Variants in SAMD4A observed in about 807,000 individuals in gnomAD.
SAMD4A encodes sterile alpha motif domain containing 4A.
Under a neutral mutation model 81.3 loss-of-function variants are expected in SAMD4A, and 33 were observed. That is an observed-to-expected ratio of 0.41 (90% CI 0.31 to 0.54). The LOEUF (loss-of-function observed/expected upper bound fraction) is 0.54, where lower values mean the gene tolerates loss of function less well. Ranked by LOEUF, SAMD4A falls within the 20% of genes least tolerant of loss-of-function variation. The probability of loss-of-function intolerance (pLI) is 0.37; values close to 1 mark genes in which losing one functional copy is unlikely to be tolerated. For synonymous variants in SAMD4A, 389 were observed against 382.1 expected, an observed-to-expected ratio of 1.02 and a Z score of -0.21; for missense variants, 854 against 951.1, an observed-to-expected ratio of 0.90 and a Z score of 1.34.
chr14:54,591,816 A>G (rs1368879472), intron 2 of SAMD4A, among the ~76,000 whole-genome samples: 2 of 152,170 alleles, frequency 1.3e-5, no homozygotes, highest in African/African-American at 2.4e-5. Context: ...TTAAAATTAT[A>G]TGCAGATTAG....
Position 54,639,801 on chromosome 14 carries a change from A to AACACACACACACACAC in SAMD4A, c.197-62250_197-62235dup, listed in dbSNP as rs10677522. ...TGAATGTCAAGTCAGCATTGCTTGA[A>AACACACACACACACAC]ACACACACACACACACACACACACA... On this transcript the variant is annotated intron_variant, in intron 2 of 12. Coordinates refer to ENST00000554335, the MANE Select transcript of SAMD4A (RefSeq NM_015589.6). Among the ~76,000 whole-genome samples the AACACACACACACACAC allele has an allele frequency of 5.5e-3, 818 of 148,938 alleles. 2 individuals carry two copies. The highest frequency in any genetic ancestry group is 0.019 in the African/African-American group (773 of 40,412).
At chr14:54,736,964 C>A in intron 3 of SAMD4A, 60 bp from the exon 4 acceptor site, 1 of 1,587,180 alleles carries the variant, frequency 6.3e-7, no homozygotes, top group South Asian at 1.1e-5. Flanking sequence ...ATTGTGGGTT[C>A]TTCGGTGTCC....
intron 2 of SAMD4A, among the ~76,000 whole-genome samples, chr14:54,601,840 C>T (rs545739254): frequency 1.3e-5 from 2 of 152,336 alleles, no homozygotes; most frequent in Admixed American, 1.3e-4. Context: ...TCTTACATCA[C>T]TATCCTAAGA....
chr14:54,760,011 A>G, intron 6 of SAMD4A, 150 bp from the exon 7 acceptor site: 3 of 713,016 alleles, frequency 4.2e-6, no homozygotes, highest in Non-Finnish European at 7.0e-6. Context: ...GAATGATGAA[A>G]CGAAAGTGGT....
chr14:54,768,290 T>C (rs549653532), intron 8 of SAMD4A, among the ~76,000 whole-genome samples: 1 of 152,208 alleles, frequency 6.6e-6, no homozygotes, highest in South Asian at 2.1e-4. Context: ...GTGTGACACC[T>C]GTGAGTGGCA....
At chr14:54,702,630 T>C in intron 3 of SAMD4A, 50 bp downstream of exon 3, 19 of 1,586,392 alleles carry the variant, frequency 1.2e-5, no homozygotes, top group Non-Finnish European at 1.6e-5. Flanking sequence ...CGATTTGCTG[T>C]GTATGTGGCA....
chr14:54,601,485 T>A (rs1015916601), intron 2 of SAMD4A, among the ~76,000 whole-genome samples: 1 of 152,212 alleles, frequency 6.6e-6, no homozygotes, highest in Admixed American at 6.5e-5. Context: ...TTTGTCCTTT[T>A]TGATTCATTC....
intron 2 of SAMD4A, among the ~76,000 whole-genome samples, chr14:54,568,432 A>G (rs919056511): frequency 2.2e-4 from 33 of 151,970 alleles, no homozygotes; most frequent in South Asian, 1.0e-3. Context: ...CAGGTCACGT[A>G]GAGTCTGGAT....
chr14:54,722,943 GCT>G (rs2037299387), intron 3 of SAMD4A, among the ~76,000 whole-genome samples: 1 of 152,092 alleles, frequency 6.6e-6, no homozygotes, highest in Non-Finnish European at 1.5e-5. Context: ...TGTCGGCATT[GCT>G]CTCTGCCAAT....
rs139458552 is a variant in SAMD4A at position 54,763,815 on chromosome 14, G to A, written c.1511-640G>A. Reference sequence around the variant, plus strand: ...TGGCCGTGAGAAACCTAGTGCGTGTGTATACTCTACCCGCAGACTAACTCT... The same window carrying A: ...TGGCCGTGAGAAACCTAGTGCGTGTATATACTCTACCCGCAGACTAACTCT... On this transcript the variant is annotated intron_variant, in intron 7 of 12. Coordinates refer to ENST00000554335, the MANE Select transcript of SAMD4A (RefSeq NM_015589.6). Among the ~76,000 whole-genome samples the A allele has an allele frequency of 9.8e-4, 150 of 152,314 alleles. 1 individual carries two copies. The highest frequency in any genetic ancestry group is 3.4e-3 in the African/African-American group (141 of 41,570).
intron 2 of SAMD4A, among the ~76,000 whole-genome samples, chr14:54,623,210 T>C (rs571527883): frequency 6.6e-6 from 1 of 152,306 alleles, no homozygotes; most frequent in East Asian, 1.9e-4. Context: ...TGTGGTCCCA[T>C]GAGGCATCTC....
At chr14:54,782,355 A>G (rs1416905649) in intron 11 of SAMD4A, among the ~76,000 whole-genome samples, 1 of 151,452 alleles carries the variant, frequency 6.6e-6, no homozygotes, top group East Asian at 1.9e-4. Context: ...CATATTTGCT[A>G]ACTCGCTATA....
chr14:54,784,119 C>T (rs957733424), intron 11 of SAMD4A: 2 of 524,034 alleles, frequency 3.8e-6, no homozygotes, highest in Non-Finnish European at 6.9e-6. Context: ...CAGGGAACAG[C>T]GGTGCAAAGG....
At chr14:54,646,018 A>G (rs1342256407) in intron 2 of SAMD4A, among the ~76,000 whole-genome samples, 1 of 152,210 alleles carries the variant, frequency 6.6e-6, no homozygotes, top group Non-Finnish European at 1.5e-5. Flanking sequence ...TTCATCTCTC[A>G]TTGTAGATCA....
intron 3 of SAMD4A, among the ~76,000 whole-genome samples, chr14:54,729,889 A>G (rs533625063): frequency 6.6e-6 from 1 of 152,334 alleles, no homozygotes; most frequent in South Asian, 2.1e-4. Flanking sequence ...TATTTAAAGT[A>G]TATACATATT....
chr14:54,760,068 C>A (rs1475580288), intron 6 of SAMD4A, 93 bp from the exon 7 acceptor site: 1 of 1,313,558 alleles, frequency 7.6e-7, no homozygotes, highest in Non-Finnish European at 1.1e-6. Flanking sequence ...AGCCACGAAT[C>A]CTGTAAGAGC....
intron 2 of SAMD4A, among the ~76,000 whole-genome samples, chr14:54,663,783 A>G (rs1226379826): frequency 6.6e-6 from 1 of 152,196 alleles, no homozygotes; most frequent in African/African-American, 2.4e-5. Flanking sequence ...TCCATCTGCC[A>G]GTTAACATGT....
chr14:54,687,840 G>A (rs1321700858), intron 2 of SAMD4A: 4 of 325,198 alleles, frequency 1.2e-5, no homozygotes, highest in Non-Finnish European at 1.8e-5. Flanking sequence ...TGTAAGATAA[G>A]TGGAGGGAGC....
intron 2 of SAMD4A, among the ~76,000 whole-genome samples, chr14:54,699,026 T>G (rs1478564770): frequency 6.6e-6 from 1 of 152,174 alleles, no homozygotes; most frequent in Non-Finnish European, 1.5e-5. Context: ...GCCTCATGAA[T>G]TTTTTATTAG....
Sources: allele counts gnomAD v4.1 joint callset (sites outside exome capture counted in the v4.1 genomes callset), GRCh38; gene constraint gnomAD v4.1.1; transcripts MANE v1.5; gene names NCBI Gene and HGNC (gene_info 2026-07-23, HGNC 2026-07-21).